The following FHIT variants were observed in gnomAD, a reference collection of about 807,000 sequenced individuals.
FHIT encodes the protein bis(5'-adenosyl)-triphosphatase.
Under a neutral mutation model 17.9 loss-of-function variants are expected in FHIT, and 19 were observed. The observed-to-expected ratio is 1.06, with a 90% CI of 0.74 to 1.56. The LOEUF is 1.56. Ranked by LOEUF, FHIT falls within the 40% of genes most tolerant of loss-of-function variation. The pLI is 0.00. For missense variants in FHIT, 248 were observed against 189.2 expected, an observed-to-expected ratio of 1.31 and a Z score of -1.82; for synonymous variants, 81 against 69.7, an observed-to-expected ratio of 1.16 and a Z score of -0.81.
At chr3:60,247,212 T>A (rs985755853) in intron 5 of FHIT, among the ~76,000 whole-genome samples, 1 of 115,280 alleles carries the variant, frequency 8.7e-6, no homozygotes, top group East Asian at 2.0e-4. Flanking sequence ...AAAACTGTTC[T>A]ACCAAGTAAG....
At chr3:59,885,629 C>A (rs577067849) in intron 8 of FHIT, among the ~76,000 whole-genome samples, 1 of 152,254 alleles carries the variant, frequency 6.6e-6, no homozygotes, top group Admixed American at 6.5e-5. Flanking sequence ...ATCATCCTTG[C>A]AAAGCTCTGC....
chr3:60,950,899 T>C (rs1708857611), intron 3 of FHIT, among the ~76,000 whole-genome samples: 1 of 152,130 alleles, frequency 6.6e-6, no homozygotes, highest in South Asian at 2.1e-4. Context: ...TTATCCTTTA[T>C]CTTTCCAATC....
chr3:60,327,943 C>G (rs1219985547), intron 5 of FHIT, among the ~76,000 whole-genome samples: 1 of 152,154 alleles, frequency 6.6e-6, no homozygotes, highest in Non-Finnish European at 1.5e-5. Context: ...TGGCATCCCT[C>G]AAAGGGCAAG....
At chr3:60,791,990 A>C (rs1217982546) in intron 4 of FHIT, among the ~76,000 whole-genome samples, 6 of 152,216 alleles carry the variant, frequency 3.9e-5, no homozygotes, top group African/African-American at 1.4e-4. Flanking sequence ...CCCTATCAGT[A>C]GTTACTAACA....
chr3:60,515,933 T>A (rs2107553281), intron 5 of FHIT, among the ~76,000 whole-genome samples: 1 of 152,320 alleles, frequency 6.6e-6, no homozygotes, highest in East Asian at 1.9e-4. Context: ...AGCCCATGAA[T>A]ACTGCCTCTG....
chr3:61,234,501 T>C (rs1284252655), intron 1 of FHIT, among the ~76,000 whole-genome samples: 2 of 152,256 alleles, frequency 1.3e-5, no homozygotes, highest in African/African-American at 4.8e-5. Context: ...TAAAGTATTA[T>C]CCAAATTTAG....
At chr3:60,451,635 A>C (rs190650074) in intron 5 of FHIT, among the ~76,000 whole-genome samples, 1 of 152,198 alleles carries the variant, frequency 6.6e-6, no homozygotes, top group South Asian at 2.1e-4. Context: ...CCAAGAAAGA[A>C]TATAAGTATC....
chr3:60,493,748 A>C (rs1237553335), intron 5 of FHIT, among the ~76,000 whole-genome samples: 1 of 152,210 alleles, frequency 6.6e-6, no homozygotes, highest in East Asian at 1.9e-4. Flanking sequence ...TATTCAAACG[A>C]GAGATACGAC....
intron 5 of FHIT, among the ~76,000 whole-genome samples, chr3:60,124,019 G>T (rs1338625947): frequency 1.1e-3 from 81 of 74,782 alleles, no homozygotes; most frequent in African/African-American, 1.3e-3. Context: ...TAGAGAGAGA[G>T]AGAGAGAGAG....
At chr3:60,178,028 T>C (rs945746262) in intron 5 of FHIT, among the ~76,000 whole-genome samples, 1 of 152,236 alleles carries the variant, frequency 6.6e-6, no homozygotes, top group Non-Finnish European at 1.5e-5. Flanking sequence ...ATTGGTTTCA[T>C]ACCTGGCAGC....
At chr3:60,099,298 T>C (rs894724043) in intron 5 of FHIT, among the ~76,000 whole-genome samples, 1 of 152,200 alleles carries the variant, frequency 6.6e-6, no homozygotes, top group Non-Finnish European at 1.5e-5. Context: ...TGGAATGGGA[T>C]GGGCTCAAAC....
chr3:60,804,563 C>T (rs935572610), intron 4 of FHIT, among the ~76,000 whole-genome samples: 1 of 152,168 alleles, frequency 6.6e-6, no homozygotes, highest in Non-Finnish European at 1.5e-5. Context: ...CGAGTAGGAA[C>T]GAGTCAATGT....
chr3:60,524,944 G>A (rs1323811983), intron 5 of FHIT, among the ~76,000 whole-genome samples: 3 of 152,144 alleles, frequency 2.0e-5, no homozygotes, highest in Admixed American at 2.0e-4. Flanking sequence ...TCTTTTGAGG[G>A]ATCCCCATTC....
At chr3:59,788,046 G>A (rs1199335258) in intron 8 of FHIT, among the ~76,000 whole-genome samples, 1 of 152,198 alleles carries the variant, frequency 6.6e-6, no homozygotes, top group Non-Finnish European at 1.5e-5. Flanking sequence ...ATCAAAGTGT[G>A]ACATTGGCCC....
intron 2 of FHIT, among the ~76,000 whole-genome samples, chr3:61,179,138 T>C (rs1451176309): frequency 6.6e-6 from 1 of 151,438 alleles, no homozygotes; most frequent in Admixed American, 6.6e-5. Flanking sequence ...GCCTCCCAAG[T>C]AGCTGGGACT....
intron 4 of FHIT, among the ~76,000 whole-genome samples, chr3:60,688,385 A>T (rs560676099): frequency 6.6e-6 from 1 of 151,966 alleles, no homozygotes; most frequent in South Asian, 2.1e-4. Flanking sequence ...CTTGCTGAAC[A>T]TCAATATTCA....
chr3:60,039,196 C>G (rs1361740235), intron 5 of FHIT, among the ~76,000 whole-genome samples: 1 of 152,166 alleles, frequency 6.6e-6, no homozygotes, highest in Non-Finnish European at 1.5e-5. Context: ...CATATATTGC[C>G]TTGAGGTTCC....
chr3:60,085,526 C>T (rs1002693372), intron 5 of FHIT, among the ~76,000 whole-genome samples: 2 of 152,172 alleles, frequency 1.3e-5, no homozygotes, highest in East Asian at 1.9e-4. Context: ...AGAGCCAAAG[C>T]AAATTCTAAT....
intron 5 of FHIT, among the ~76,000 whole-genome samples, chr3:60,308,744 A>C (rs1342443999): frequency 6.6e-6 from 1 of 152,134 alleles, no homozygotes; most frequent in African/African-American, 2.4e-5. Flanking sequence ...ATGATTCACT[A>C]AATGTCATCT....
Sources: allele counts gnomAD v4.1 joint callset (sites outside exome capture counted in the v4.1 genomes callset), GRCh38; gene constraint gnomAD v4.1.1; transcripts MANE v1.5; gene names NCBI Gene and HGNC (gene_info 2026-07-23, HGNC 2026-07-21).